Variants in DLC1 observed in about 807,000 individuals in gnomAD.
DLC1 encodes rho GTPase-activating protein 7.
A neutral mutation model predicts 140.3 loss-of-function variants in DLC1; 54 were observed. The ratio of observed to expected loss-of-function variants is 0.38; its 90% confidence interval spans 0.31 to 0.48. The LOEUF (loss-of-function observed/expected upper bound fraction) is 0.48. Among genes scored for constraint, DLC1 ranks in the 20% least tolerant of loss-of-function variants. DLC1 has a pLI of 0.96. For synonymous variants in DLC1, 986 were observed against 728.1 expected (o/e 1.35, Z -5.70); for missense variants, 2,536 against 1,907.0 (o/e 1.33, Z -6.14).
At chr8:13,221,374 T>C (rs1028628167) in intron 5 of DLC1, among the ~76,000 whole-genome samples, 1 of 151,754 alleles carries the variant, frequency 6.6e-6, no homozygotes, top group Non-Finnish European at 1.5e-5. Flanking sequence ...CTTTTCTTTT[T>C]TTTTTTTTTG....
intron 5 of DLC1, among the ~76,000 whole-genome samples, chr8:13,252,343 G>T (rs1004065935): frequency 3.3e-5 from 5 of 152,034 alleles, no homozygotes; most frequent in African/African-American, 1.2e-4. Context: ...TGCGACAAAG[G>T]GCCACTCACG....
intron 1 of DLC1, among the ~76,000 whole-genome samples, chr8:13,584,805 C>G (rs951296918): frequency 2.6e-5 from 4 of 152,178 alleles, no homozygotes; most frequent in African/African-American, 9.7e-5. Context: ...ACTGTGCACA[C>G]ACCCAGGCTC....
intron 4 of DLC1, among the ~76,000 whole-genome samples, chr8:13,353,021 T>A (rs568945230): frequency 1.3e-5 from 2 of 152,290 alleles, no homozygotes; most frequent in East Asian, 3.9e-4. Context: ...TCTTAGCCCT[T>A]TTTATTTTAA....
chr8:13,601,209 G>C (rs754056291), intron 1 of DLC1, among the ~76,000 whole-genome samples: 3 of 151,752 alleles, frequency 2.0e-5, no homozygotes, highest in Non-Finnish European at 4.4e-5. Context: ...CAGCTCACCA[G>C]TAAGTTAGCT....
intron 4 of DLC1, among the ~76,000 whole-genome samples, chr8:13,345,541 C>G (rs1021062472): frequency 3.0e-5 from 3 of 101,402 alleles, no homozygotes; most frequent in African/African-American, 1.0e-4. Flanking sequence ...AAATTTTTCA[C>G]TCACACTTTT....
At position 13,390,586 on chromosome 8, in the gene DLC1, C is replaced by T. The variant is rs1330991016; in HGVS notation, c.1314+2967G>A. On this transcript the variant is annotated intron_variant, in intron 4 of 17. Transcript: ENST00000276297. ...CACAATGGTTGAACTAATTTTCATTCCCACCTTAAACCTAGATGGCAGGTA... is the reference window on the plus strand; with the variant it reads ...CACAATGGTTGAACTAATTTTCATTTCCACCTTAAACCTAGATGGCAGGTA... 2.0e-5 allele frequency among the ~76,000 whole-genome samples: 3 copies of T among 152,266 alleles called. No homozygotes were observed. The East Asian group carries it at 5.8e-4, about 29-fold the overall frequency.
chr8:13,551,618 G>A (rs1298544269), intron 1 of DLC1, among the ~76,000 whole-genome samples: 1 of 151,834 alleles, frequency 6.6e-6, no homozygotes, highest in Non-Finnish European at 1.5e-5. Flanking sequence ...GGTCCTTTGA[G>A]AACAAATCAA....
intron 5 of DLC1, among the ~76,000 whole-genome samples, chr8:13,239,592 C>T (rs1049537287): frequency 2.0e-5 from 3 of 152,108 alleles, no homozygotes; most frequent in African/African-American, 7.2e-5. Flanking sequence ...CAATATTATA[C>T]CATGCTCTAA....
intron 4 of DLC1, among the ~76,000 whole-genome samples, chr8:13,334,711 T>G (rs971967076): frequency 6.6e-6 from 1 of 152,198 alleles, no homozygotes; most frequent in Non-Finnish European, 1.5e-5. Flanking sequence ...GGGTGTTTGA[T>G]CTTGGCTGAA....
At chr8:13,197,408 G>A (rs1254319173) in intron 5 of DLC1, among the ~76,000 whole-genome samples, 1 of 151,804 alleles carries the variant, frequency 6.6e-6, no homozygotes, top group Non-Finnish European at 1.5e-5. Flanking sequence ...GAGTGCAGTG[G>A]CGTGATCTCG....
At chr8:13,238,965 C>T (rs746230833) in intron 5 of DLC1, among the ~76,000 whole-genome samples, 2 of 152,090 alleles carry the variant, frequency 1.3e-5, no homozygotes, top group East Asian at 1.9e-4. Context: ...TCCCTGGCGT[C>T]AGGGCACACA....
At chr8:13,319,979 C>T (rs1282841038) in intron 4 of DLC1, among the ~76,000 whole-genome samples, 3 of 151,904 alleles carry the variant, frequency 2.0e-5, no homozygotes, top group Admixed American at 6.6e-5. Flanking sequence ...CACGCCACCA[C>T]GCCCAGCTAA....
chr8:13,088,560 T>C lies in DLC1; in HGVS notation c.4219A>G (p.Ser1407Gly). 1 of 1,614,212 alleles carries C rather than the reference T, an allele frequency of 6.2e-7. No homozygotes were observed. Among genetic ancestry groups the C allele is most frequent in the Non-Finnish European group, 8.5e-7 (1 of 1,180,024 alleles). The change falls in exon 16 of 18, where the codon AGC becomes GGC. Residue 1407 changes from serine to glycine, a missense_variant. Coordinates refer to ENST00000276297, the MANE Select transcript of DLC1 (RefSeq NM_182643.3). ...ACATACTGGTAAATTTCAGTTTGGC[T>C]GTCCAGAATTTCGATCACTTTTGAA... ...LDSKVIEILD[S>G]QTEIYQYVQN...
At chr8:13,461,493 T>C (rs1204894022) in intron 2 of DLC1, among the ~76,000 whole-genome samples, 1 of 152,222 alleles carries the variant, frequency 6.6e-6, no homozygotes, top group Non-Finnish European at 1.5e-5. Flanking sequence ...TGATAAACAC[T>C]GTGGAGTCTA....
chr8:13,492,217 GC>G (rs1262931178), intron 2 of DLC1, among the ~76,000 whole-genome samples: 2 of 150,062 alleles, frequency 1.3e-5, no homozygotes, highest in Non-Finnish European at 2.9e-5. Flanking sequence ...TGGAGATACA[GC>G]CCATAAGGCT....
At chr8:13,098,665 G>T in intron 9 of DLC1, 90 bp from the exon 10 acceptor site, 1 of 1,363,436 alleles carries the variant, frequency 7.3e-7, no homozygotes, top group Non-Finnish European at 9.8e-7. Context: ...GCCCAGGCTG[G>T]AGTGCAGTGG....
intron 5 of DLC1, among the ~76,000 whole-genome samples, chr8:13,164,605 A>G (rs1392829602): frequency 6.6e-6 from 1 of 152,112 alleles, no homozygotes; most frequent in African/African-American, 2.4e-5. Flanking sequence ...CCATGTTGGC[A>G]TGGGATGTGG....
chr8:13,226,137 C>A (rs368313485), intron 5 of DLC1, among the ~76,000 whole-genome samples: 70 of 152,124 alleles, frequency 4.6e-4, no homozygotes, highest in African/African-American at 1.7e-3. Context: ...TAGTCTTGAA[C>A]TTCTGAGCTC....
At chr8:13,529,946 T>C (rs553126676) in intron 1 of DLC1, among the ~76,000 whole-genome samples, 1 of 152,330 alleles carries the variant, frequency 6.6e-6, no homozygotes, top group South Asian at 2.1e-4. Flanking sequence ...GGAAATTACA[T>C]GTAAGCATTA....
Sources: gnomAD v4.1 joint callset for allele counts (sites outside exome capture counted in the v4.1 genomes callset) on GRCh38, gnomAD v4.1.1 for gene constraint, MANE v1.5 for transcripts, NCBI Gene and HGNC (gene_info 2026-07-23, HGNC 2026-07-21) for gene names.